CPLANE1: variants seen among roughly 807,000 people sequenced by gnomAD.
The protein encoded by CPLANE1 is ciliogenesis and planar polarity effector complex subunit 1, also known as ciliogenesis and planar polarity effector 1.
A neutral mutation model predicts 362.5 loss-of-function variants in CPLANE1; 263 were observed. The ratio of observed to expected loss-of-function variants is 0.73; its 90% CI spans 0.66 to 0.80. The LOEUF (loss-of-function observed/expected upper bound fraction) is 0.80, where lower values mean the gene tolerates loss of function less well. CPLANE1 is among the 30% of genes least tolerant of loss of function. CPLANE1 has a pLI of 0.00. For missense variants in CPLANE1, 3,461 were observed against 3,793.4 expected, an observed-to-expected ratio of 0.91 and a Z score of 2.30; for synonymous variants, 1,212 against 1,302.6, an observed-to-expected ratio of 0.93 and a Z score of 1.50.
intron 29 of CPLANE1, among the ~76,000 whole-genome samples, 166 bp downstream of exon 29, chr5:37,179,195 G>C (rs1006726840): frequency 6.6e-6 from 1 of 152,072 alleles, no homozygotes; most frequent in Non-Finnish European, 1.5e-5. Context: ...AGAATTTCAG[G>C]GAAAGAAAAA....
chr5:37,149,323 A>T (rs1212687975), intron 42 of CPLANE1, among the ~76,000 whole-genome samples: 1 of 152,170 alleles, frequency 6.6e-6, no homozygotes, highest in African/African-American at 2.4e-5. Flanking sequence ...ATTTGCATAC[A>T]ACCTATAGAC....
At chr5:37,133,643 G>C (rs1766657295) in intron 46 of CPLANE1, among the ~76,000 whole-genome samples, 1 of 152,042 alleles carries the variant, frequency 6.6e-6, no homozygotes. Flanking sequence ...AAACTTTACT[G>C]AAGTCATTTA....
intron 6 of CPLANE1, 113 bp downstream of exon 6, chr5:37,242,900 G>A (rs934398806): frequency 1.1e-5 from 7 of 662,646 alleles, no homozygotes; most frequent in African/African-American, 7.7e-5. Context: ...AGGTACTCAG[G>A]AGGCTGAGCT....
At chr5:37,218,935 C>T (rs1794754464) in intron 15 of CPLANE1, among the ~76,000 whole-genome samples, 2 of 146,516 alleles carry the variant, frequency 1.4e-5, no homozygotes, top group South Asian at 4.2e-4. Context: ...GCCACAAGAG[C>T]GAAACTCCAT....
intron 18 of CPLANE1, among the ~76,000 whole-genome samples, chr5:37,203,880 G>A (rs570007225): frequency 6.6e-6 from 1 of 152,188 alleles, no homozygotes; most frequent in East Asian, 1.9e-4. Flanking sequence ...CTCTTTAATG[G>A]AATGGAATTC....
At position 37,140,808 on chromosome 5, in the gene CPLANE1, T is replaced by G. The variant is rs1254008787; in HGVS notation, c.8633-1438A>C. The G allele has an allele frequency of 3.0e-6, 3 of 985,290 alleles. No homozygotes were observed. The African/African-American group carries it at 5.2e-5, about 17-fold the overall frequency. The allele number at this position is 985,290 out of a possible 1,614,324, so 61.0% of individuals were successfully genotyped here. On this transcript the variant is annotated intron_variant, in intron 44 of 52. Transcript: ENST00000651892. ...CTAACCCACGGCCACAGTACCTGTT[T>G]ATTACCAAGTAAACGTTCTTAAAAC...
intron 37 of CPLANE1, among the ~76,000 whole-genome samples, chr5:37,163,295 A>G (rs893850593): frequency 7.9e-5 from 12 of 152,188 alleles, no homozygotes; most frequent in African/African-American, 2.7e-4. Flanking sequence ...TGAATGGATA[A>G]GAGGGAAGAC....
chr5:37,204,443 G>A (rs1275077357), intron 18 of CPLANE1, among the ~76,000 whole-genome samples: 3 of 152,024 alleles, frequency 2.0e-5, no homozygotes, highest in Admixed American at 2.0e-4. Flanking sequence ...GGATTCCTGT[G>A]TGAATCCATG....
chr5:37,208,113 C>T (rs1427125859), intron 16 of CPLANE1, among the ~76,000 whole-genome samples: 1 of 152,082 alleles, frequency 6.6e-6, no homozygotes. Flanking sequence ...CCATGGCGGG[C>T]TAATTTTTGT....
intron 52 of CPLANE1, 63 bp downstream of exon 52, chr5:37,108,230 A>AAAC (rs1482380678): frequency 6.8e-6 from 10 of 1,470,352 alleles, no homozygotes; most frequent in Non-Finnish European, 9.3e-6. Context: ...ACAAACAAAC[A>AAAC]AACAAAAAAC....
chr5:37,195,365 C>A (rs934408331), intron 21 of CPLANE1, among the ~76,000 whole-genome samples: 1 of 152,096 alleles, frequency 6.6e-6, no homozygotes, highest in African/African-American at 2.4e-5. Context: ...TTTTGGGAGG[C>A]CAAGGCAGGT....
Position 37,184,794 on chromosome 5 carries a change from T to C in CPLANE1, c.4475A>G (p.Tyr1492Cys), listed in dbSNP as rs895907055. 2 of 1,609,198 alleles carry C rather than the reference T, an allele frequency of 1.2e-6. No homozygotes were observed. The highest frequency in any genetic ancestry group is 1.3e-5 in the African/African-American group (1 of 74,712). The change falls in exon 25 of 53, where the codon TAT becomes TGT. Residue 1492 changes from tyrosine (Y) to cysteine (C), a missense_variant. Around this residue, in one of 2 missense-constraint regions of CPLANE1, gnomAD observed 3,380 missense variants for 3,666.1 expected, o/e 0.92. Coordinates refer to ENST00000651892, the MANE Select transcript of CPLANE1 (RefSeq NM_001384732.1). The stretch of plus-strand genomic sequence containing the variant: ...TAAAAGATCTCAATTGTACCTTTGA[T>C]AGATATTTATCCTACTTTTTTCTTC... Reference protein sequence around the residue: ...SVEEKSRINIYQRNAPNHMEL... With the variant: ...SVEEKSRINICQRNAPNHMEL...
the CPLANE1 span, among the ~76,000 whole-genome samples, chr5:37,082,274 G>A: frequency 6.6e-6 from 1 of 152,082 alleles, no homozygotes; most frequent in Non-Finnish European, 1.5e-5. Context: ...AAAAATGGAT[G>A]ACTACACATT....
chr5:37,131,715 A>G (rs1291185893), intron 46 of CPLANE1, among the ~76,000 whole-genome samples: 1 of 152,094 alleles, frequency 6.6e-6, no homozygotes, highest in Non-Finnish European at 1.5e-5. Context: ...TATTTTCAGT[A>G]GAGACGGGGT....
intron 14 of CPLANE1, among the ~76,000 whole-genome samples, chr5:37,223,475 G>C (rs1795782195): frequency 6.6e-6 from 1 of 152,218 alleles, no homozygotes; most frequent in South Asian, 2.1e-4. Context: ...ACAAAGACTG[G>C]TTAAGTAAAT....
chr5:37,213,456 C>G, intron 16 of CPLANE1, 103 bp downstream of exon 16: 1 of 708,590 alleles, frequency 1.4e-6, no homozygotes, highest in Non-Finnish European at 2.1e-6. Context: ...AGATACTATG[C>G]TAGAACAGTA....
chr5:37,155,505 G>T (rs1774828770), intron 41 of CPLANE1, among the ~76,000 whole-genome samples: 1 of 152,162 alleles, frequency 6.6e-6, no homozygotes, highest in Non-Finnish European at 1.5e-5. Context: ...CTCTTGAGTA[G>T]CTGGGACTAC....
In CPLANE1 at chr5:37,186,296, A is replaced by AC. The variant is rs766425092; in HGVS notation, c.4178dup (p.Cys1393TrpfsTer9). 20 of 1,490,196 alleles carry AC rather than the reference A, an allele frequency of 1.3e-5. No homozygotes were observed. The highest frequency in any genetic ancestry group is 1.8e-5 in the Non-Finnish European group (19 of 1,068,738). 92.3% of individuals were successfully genotyped at this position (1,490,196 alleles called of 1,614,324 possible). ...AACAACAAATAATACCTTTCACAAC[A>AC]CAGTGTCTGAGTCTCTGGTGAAGAG... is the stretch of plus-strand genomic sequence containing the variant. On this transcript the variant is annotated frameshift_variant, in exon 24 of 53. Transcript: ENST00000651892.
At chr5:37,141,078 T>C in intron 44 of CPLANE1, 1 of 985,378 alleles carries the variant, frequency 1.0e-6, no homozygotes, top group African/African-American at 1.7e-5. Flanking sequence ...GTACCATCAG[T>C]TACTAATTCA....
Sources: allele counts gnomAD v4.1 joint callset (sites outside exome capture counted in the v4.1 genomes callset), GRCh38; gene constraint gnomAD v4.1.1; regional missense constraint gnomAD v4.1.1; transcripts MANE v1.5; gene names NCBI Gene and HGNC (gene_info 2026-07-23, HGNC 2026-07-21).